TTLL11: variants seen among roughly 807,000 people sequenced by gnomAD.
TTLL11 encodes the protein tubulin polyglutamylase TTLL11.
A neutral mutation model predicts 51.7 loss-of-function variants in TTLL11; 42 were observed. That is an observed-to-expected ratio of 0.81 (90% CI 0.64 to 1.05). TTLL11 has a LOEUF of 1.05. Ranked by LOEUF, TTLL11 falls within the 50% of genes least tolerant of loss-of-function variation. TTLL11 has a pLI of 0.00. For missense variants in TTLL11, 799 were observed against 940.4 expected (o/e 0.85, Z 1.97); for synonymous variants, 381 against 383.5 (o/e 0.99, Z 0.08).
chr9:121,870,060 C>T (rs1190764564), intron 7 of TTLL11, among the ~76,000 whole-genome samples: 5 of 152,170 alleles, frequency 3.3e-5, no homozygotes, highest in Non-Finnish European at 7.3e-5. Context: ...TATTTATCAG[C>T]TGAGTTATTT....
intron 8 of TTLL11, among the ~76,000 whole-genome samples, chr9:121,846,535 A>T (rs1837518880): frequency 6.6e-6 from 1 of 152,216 alleles, no homozygotes; most frequent in Non-Finnish European, 1.5e-5. Context: ...TCTAGACCAC[A>T]AAACACACCT....
intron 3 of TTLL11, among the ~76,000 whole-genome samples, chr9:122,000,421 G>A (rs1172607659): frequency 3.9e-5 from 5 of 128,020 alleles, no homozygotes; most frequent in Admixed American, 9.3e-5. Context: ...GCAGTGAGCC[G>A]AGATCTCACC....
intron 6 of TTLL11, among the ~76,000 whole-genome samples, chr9:121,958,477 C>T (rs1217783294): frequency 6.6e-6 from 1 of 152,286 alleles, no homozygotes; most frequent in African/African-American, 2.4e-5. Context: ...AGCACCTCCA[C>T]CATTTCCTCC....
At chr9:122,012,678 G>A (rs145997970) in intron 3 of TTLL11, among the ~76,000 whole-genome samples, 4,400 of 142,592 alleles carry the variant, frequency 0.031, 203 homozygotes, top group African/African-American at 0.11. Flanking sequence ...ACACACACAC[G>A]CACACACACA....
chr9:122,023,251 AAGAAAT>A (rs1440432079), intron 3 of TTLL11, among the ~76,000 whole-genome samples: 1 of 152,010 alleles, frequency 6.6e-6, no homozygotes, highest in Non-Finnish European at 1.5e-5. Flanking sequence ...CTCATTCAAG[AAGAAAT>A]AGATAATATG....
rs568192835 is a variant in TTLL11 at position 121,834,696 on chromosome 9, A to T, written c.1841-11817T>A. On this transcript the variant is annotated intron_variant, in intron 8 of 8. Transcript: ENST00000321582. ...ACAAAAATTAGCCGGGCATGGTGGC[A>T]CACACCTGTAATCCTAGCTACTCAG... 4.7e-4 allele frequency among the ~76,000 whole-genome samples: 72 copies of T among 152,122 alleles called. 1 individual carries two copies. The highest frequency in any genetic ancestry group is 4.4e-3 in the Admixed American group (68 of 15,288).
At chr9:122,046,360 C>T (rs1845002145) in intron 1 of TTLL11, among the ~76,000 whole-genome samples, 1 of 152,148 alleles carries the variant, frequency 6.6e-6, no homozygotes, top group South Asian at 2.1e-4. Flanking sequence ...TTGTAAGTTT[C>T]CTGAGGCCTC....
intron 3 of TTLL11, among the ~76,000 whole-genome samples, chr9:122,028,452 T>C (rs1348129383): frequency 6.6e-6 from 1 of 152,176 alleles, no homozygotes. Context: ...GCTAAATTAA[T>C]ATCAGACAAA....
intron 6 of TTLL11, among the ~76,000 whole-genome samples, chr9:121,893,759 C>T (rs1404899388): frequency 1.3e-5 from 2 of 152,160 alleles, no homozygotes; most frequent in Non-Finnish European, 1.5e-5. Context: ...ACTCAATGGG[C>T]AGTACCCAAG....
At position 121,989,390 on chromosome 9, in the gene TTLL11, G is replaced by A. The variant is rs1446597106; in HGVS notation, c.1074C>T (p.Asp358=). 6 of 1,614,180 alleles carry A rather than the reference G, an allele frequency of 3.7e-6. No homozygotes were observed. Among genetic ancestry groups the A allele is most frequent in the Non-Finnish European group, 5.1e-6 (6 of 1,180,038 alleles). The change falls in exon 4 of 9, where the codon GAC becomes GAT. Residue 358 remains aspartate, a synonymous_variant. Transcript: ENST00000321582. This position sits in a 1 kb window ranked among gnomAD's most constrained non-coding sequence, Gnocchi z 4.2. The stretch of plus-strand genomic sequence containing the variant: ...TCCTTTTGCTGCCAGTGCTAGCACT[G>A]TCCGAGTGGATGAAGTTGCCGCTGT... ...NIHSGNFIHS[D]SASTGSKRTF... is the part of the protein sequence containing the mutation.
intron 6 of TTLL11, among the ~76,000 whole-genome samples, chr9:121,887,271 G>T (rs1456465096): frequency 6.6e-6 from 1 of 152,204 alleles, no homozygotes; most frequent in Non-Finnish European, 1.5e-5. Flanking sequence ...TTCCTTTGCT[G>T]CCACAGAGCT....
intron 1 of TTLL11, among the ~76,000 whole-genome samples, chr9:122,077,515 G>A (rs1366433773): frequency 6.6e-6 from 1 of 151,254 alleles, no homozygotes; most frequent in Non-Finnish European, 1.5e-5. Flanking sequence ...GGGAGAAAAT[G>A]AACAAGAAAA....
chr9:122,087,683 T>C (rs1846161803), intron 1 of TTLL11, among the ~76,000 whole-genome samples: 1 of 152,136 alleles, frequency 6.6e-6, no homozygotes, highest in Admixed American at 6.5e-5. Context: ...ACAACAAAAG[T>C]GGCGTCTACT....
rs1218124804 is a variant in TTLL11 at position 121,989,477 on chromosome 9, C to T, written c.987G>A (p.Glu329=). Residue 329 remains glutamate (E), a synonymous_variant, in exon 4 of 9, where the codon GAG becomes GAA. Transcript: ENST00000321582. This position sits in a 1 kb window ranked among gnomAD's most constrained non-coding sequence, Gnocchi z 4.2. Reference sequence around the variant, plus strand: ...TGCGGTGCAGGTTTTTGGGGGTGGGCTCCTGATATGGCTCGGTACAAAACC... The same window carrying T: ...TGCGGTGCAGGTTTTTGGGGGTGGGTTCCTGATATGGCTCGGTACAAAACC... ...LSRFCTEPYQ[E]PTPKNLHRIF... 6.2e-7 allele frequency: 1 copy of T among 1,614,090 alleles called. No homozygotes were observed.
At chr9:121,902,622 G>A (rs1280164515) in intron 6 of TTLL11, among the ~76,000 whole-genome samples, 3 of 149,636 alleles carry the variant, frequency 2.0e-5, no homozygotes, top group Non-Finnish European at 4.4e-5. Flanking sequence ...TTAATGGGAT[G>A]TTGACGGGTT....
intron 6 of TTLL11, among the ~76,000 whole-genome samples, chr9:121,887,007 G>C (rs1271549077): frequency 6.6e-6 from 1 of 152,114 alleles, no homozygotes; most frequent in Non-Finnish European, 1.5e-5. Context: ...GTGTCCTTGC[G>C]AGGCTGGTAA....
At chr9:122,030,539 T>C (rs1204444075) in intron 3 of TTLL11, among the ~76,000 whole-genome samples, 2 of 151,978 alleles carry the variant, frequency 1.3e-5, no homozygotes, top group Admixed American at 6.6e-5. Flanking sequence ...CTCAAGCAAG[T>C]TGCTAAATTT....
chr9:122,053,817 G>A (rs772498340), intron 1 of TTLL11, among the ~76,000 whole-genome samples: 4 of 152,002 alleles, frequency 2.6e-5, no homozygotes, highest in Non-Finnish European at 4.4e-5. Flanking sequence ...TCTCACCTCC[G>A]CCAGGTTCCT....
At chr9:121,948,834 C>A (rs757934417) in intron 6 of TTLL11, among the ~76,000 whole-genome samples, 1 of 152,120 alleles carries the variant, frequency 6.6e-6, no homozygotes, top group Non-Finnish European at 1.5e-5. Flanking sequence ...TTTCTGAGTT[C>A]CCACTGCAGG....
Sources: allele counts gnomAD v4.1 joint callset (sites outside exome capture counted in the v4.1 genomes callset), GRCh38; gene constraint gnomAD v4.1.1; non-coding constraint Gnocchi (gnomAD v3.1); transcripts MANE v1.5; gene names NCBI Gene and HGNC (gene_info 2026-07-23, HGNC 2026-07-21).